Variants in ZNF804B observed in about 807,000 individuals in gnomAD.
ZNF804B encodes zinc finger 804B.
Under a neutral mutation model 101.4 loss-of-function variants are expected in ZNF804B, and 80 were observed. The ratio of observed to expected loss-of-function variants is 0.79; its 90% CI spans 0.66 to 0.95. ZNF804B has a LOEUF of 0.95. Among genes scored for constraint, ZNF804B ranks in the 40% least tolerant of loss-of-function variants. The pLI, the probability that ZNF804B is intolerant of heterozygous loss-of-function variation, is 0.00. For synonymous variants in ZNF804B, 622 were observed against 558.8 expected, an observed-to-expected ratio of 1.11 and a Z score of -1.59; for missense variants, 1,673 against 1,561.9, an observed-to-expected ratio of 1.07 and a Z score of -1.20.
At chr7:88,945,118 C>T (rs1347438532) in intron 1 of ZNF804B, among the ~76,000 whole-genome samples, 1 of 151,958 alleles carries the variant, frequency 6.6e-6, no homozygotes, top group Admixed American at 6.6e-5. Context: ...TCAATTTTGA[C>T]TTCTGTTGCC....
intron 1 of ZNF804B, among the ~76,000 whole-genome samples, chr7:88,831,604 A>G (rs528953365): frequency 8.6e-5 from 13 of 151,914 alleles, no homozygotes; most frequent in Non-Finnish European, 1.3e-4. Context: ...TTCAATTTGA[A>G]CTCCCTTTGA....
chr7:89,067,696 A>C (rs968190638), intron 1 of ZNF804B, among the ~76,000 whole-genome samples: 14 of 152,202 alleles, frequency 9.2e-5, no homozygotes, highest in African/African-American at 3.4e-4. Flanking sequence ...AAAGGGAAGC[A>C]GGTCAATACC....
chr7:89,071,730 T>C (rs1312067523), intron 1 of ZNF804B, among the ~76,000 whole-genome samples: 1 of 151,996 alleles, frequency 6.6e-6, no homozygotes, highest in Non-Finnish European at 1.5e-5. Context: ...ATATTTGAAA[T>C]TTTTTAAGTA....
intron 2 of ZNF804B, among the ~76,000 whole-genome samples, chr7:89,223,606 A>ATTATTTATTTATTTATTTATTTATTTAT (rs35199718): frequency 6.8e-6 from 1 of 146,764 alleles, no homozygotes; most frequent in Admixed American, 6.8e-5. Context: ...AAAAATTAAG[A>ATTATTTATTTATTTATTTATTTATTTAT]TTATTTATTT....
At chr7:89,270,592 A>G (rs1032174196) in intron 2 of ZNF804B, among the ~76,000 whole-genome samples, 39 of 152,118 alleles carry the variant, frequency 2.6e-4, no homozygotes, top group Admixed American at 9.2e-4. Flanking sequence ...GTATTTTCCA[A>G]TTCTGTGAAG....
rs776479405 is a variant in ZNF804B at position 89,336,451 on chromosome 7, AAATAT to A, written c.3472_3476del (p.Tyr1158AspfsTer68). 6.2e-7 allele frequency: 1 copy of A among 1,614,110 alleles called. No individual in the cohort carries two copies. The highest frequency in any genetic ancestry group is 8.5e-7 in the Non-Finnish European group (1 of 1,180,014). ...AACATTTTCTCCTGACGAAATAGAT[AAATAT>A]AAGATCCTACAGCTACAAGCCCAGC... On this transcript the variant is annotated frameshift_variant, in exon 4 of 4. Transcript: ENST00000333190. LOFTEE classifies it high-confidence loss of function.
chr7:89,330,452 A>G (rs1310673669), intron 3 of ZNF804B, among the ~76,000 whole-genome samples: 1 of 151,710 alleles, frequency 6.6e-6, no homozygotes, highest in African/African-American at 2.4e-5. Flanking sequence ...AAATGATCAC[A>G]TTGTATACCT....
chr7:88,929,920 A>G (rs1037492396), intron 1 of ZNF804B, among the ~76,000 whole-genome samples: 3 of 151,966 alleles, frequency 2.0e-5, no homozygotes, highest in South Asian at 2.1e-4. Flanking sequence ...TTTAACGACT[A>G]AGCATTTTTT....
At chr7:88,823,468 G>C (rs1791012644) in intron 1 of ZNF804B, among the ~76,000 whole-genome samples, 1 of 152,142 alleles carries the variant, frequency 6.6e-6, no homozygotes, top group African/African-American at 2.4e-5. Flanking sequence ...CCTGACTGAT[G>C]CCACAATTCA....
chr7:88,964,129 C>T (rs1290682227), intron 1 of ZNF804B, among the ~76,000 whole-genome samples: 1 of 151,284 alleles, frequency 6.6e-6, no homozygotes, highest in African/African-American at 2.4e-5. Context: ...GTGGCAGTTC[C>T]TCAGAAAACA....
At chr7:88,814,535 T>C (rs1388657121) in intron 1 of ZNF804B, among the ~76,000 whole-genome samples, 1 of 151,472 alleles carries the variant, frequency 6.6e-6, no homozygotes, top group East Asian at 1.9e-4. Context: ...CATATACTCA[T>C]AGATTATGAT....
chr7:88,973,053 A>C (rs1793559934), intron 1 of ZNF804B, among the ~76,000 whole-genome samples: 1 of 151,374 alleles, frequency 6.6e-6, no homozygotes. Context: ...TTGCTAATGC[A>C]AGTTATTGAC....
At chr7:89,026,996 G>T (rs187860898) in intron 1 of ZNF804B, among the ~76,000 whole-genome samples, 83 of 152,066 alleles carry the variant, frequency 5.5e-4, no homozygotes, top group Middle Eastern at 3.4e-3. Context: ...GTTGGCCTTA[G>T]AATAAAATTC....
At chr7:89,319,226 G>A (rs1195989597) in intron 2 of ZNF804B, among the ~76,000 whole-genome samples, 2 of 152,120 alleles carry the variant, frequency 1.3e-5, no homozygotes, top group Non-Finnish European at 2.9e-5. Context: ...TTTATGGCCA[G>A]ATTTGGGGGG....
intron 1 of ZNF804B, among the ~76,000 whole-genome samples, chr7:89,215,633 T>C (rs138910147): frequency 0.047 from 6,216 of 132,206 alleles, 21 homozygotes; most frequent in Middle Eastern, 0.1. Context: ...CCTGTAATCC[T>C]AGCACTTTGG....
intron 1 of ZNF804B, among the ~76,000 whole-genome samples, chr7:88,990,759 G>A (rs1793833319): frequency 1.3e-5 from 2 of 152,040 alleles, no homozygotes; most frequent in African/African-American, 4.8e-5. Flanking sequence ...TTTACTGTAT[G>A]AGTTTTATCA....
intron 1 of ZNF804B, among the ~76,000 whole-genome samples, chr7:88,826,252 C>T (rs995933181): frequency 6.6e-6 from 1 of 152,078 alleles, no homozygotes; most frequent in African/African-American, 2.4e-5. Context: ...AGAAAATATT[C>T]CACAACATTT....
At chr7:89,125,764 T>C (rs150746108) in intron 1 of ZNF804B, among the ~76,000 whole-genome samples, 2 of 152,252 alleles carry the variant, frequency 1.3e-5, no homozygotes, top group East Asian at 3.9e-4. Flanking sequence ...TTTGTTCAAG[T>C]GACTGCAACT....
At chr7:88,983,141 C>G (rs1793715464) in intron 1 of ZNF804B, among the ~76,000 whole-genome samples, 1 of 152,044 alleles carries the variant, frequency 6.6e-6, no homozygotes, top group Non-Finnish European at 1.5e-5. Flanking sequence ...CTCAGAAGTA[C>G]AACTGTGGTC....
Sources: allele counts gnomAD v4.1 joint callset (sites outside exome capture counted in the v4.1 genomes callset), GRCh38; gene constraint gnomAD v4.1.1; transcripts MANE v1.5; gene names NCBI Gene and HGNC (gene_info 2026-07-23, HGNC 2026-07-21).